DNAJC15: variants seen among roughly 807,000 people sequenced by gnomAD.
DNAJC15 encodes the protein dnaJ homolog subfamily C member 15.
Under a neutral mutation model 22.4 loss-of-function variants are expected in DNAJC15, and 27 were observed. The ratio of observed to expected loss-of-function variants is 1.20; its 90% CI spans 0.89 to 1.66. The LOEUF (loss-of-function observed/expected upper bound fraction) is 1.66. DNAJC15 is among the 40% of genes most tolerant of loss of function. DNAJC15 has a pLI of 0.00. For synonymous variants in DNAJC15, 79 were observed against 63.2 expected, an observed-to-expected ratio of 1.25 and a Z score of -1.19; for missense variants, 208 against 187.1, an observed-to-expected ratio of 1.11 and a Z score of -0.65.
At chr13:43,090,730 TAG>T (rs1317899115) in intron 5 of DNAJC15, among the ~76,000 whole-genome samples, 7 of 148,462 alleles carry the variant, frequency 4.7e-5, no homozygotes, top group African/African-American at 9.9e-5. Flanking sequence ...TTTTTTGAGA[TAG>T]AGTCTTGCTC....
At chr13:43,045,837 A>G (rs2040474830) in intron 1 of DNAJC15, among the ~76,000 whole-genome samples, 2 of 152,118 alleles carry the variant, frequency 1.3e-5, no homozygotes, top group Non-Finnish European at 2.9e-5. Flanking sequence ...ATTTTTTTCC[A>G]TAGCACAAAT....
At chr13:43,105,107 T>C (rs1291598624) in intron 5 of DNAJC15, among the ~76,000 whole-genome samples, 1 of 151,752 alleles carries the variant, frequency 6.6e-6, no homozygotes, top group African/African-American at 2.4e-5. Context: ...GGTTACATAT[T>C]GTTGGAAGAT....
At chr13:43,074,077 A>G (rs1387387930) in intron 3 of DNAJC15, among the ~76,000 whole-genome samples, 1 of 152,112 alleles carries the variant, frequency 6.6e-6, no homozygotes, top group Non-Finnish European at 1.5e-5. Flanking sequence ...GGAAAAATAT[A>G]CTAATTAAAT....
At chr13:43,051,455 C>G (rs747801541) in intron 1 of DNAJC15, among the ~76,000 whole-genome samples, 1 of 152,232 alleles carries the variant, frequency 6.6e-6, no homozygotes, top group East Asian at 1.9e-4. Flanking sequence ...CCCCACAATC[C>G]GTTGTATCAA....
chr13:43,056,218 C>T (rs187264284), intron 1 of DNAJC15, among the ~76,000 whole-genome samples: 3 of 151,050 alleles, frequency 2.0e-5, no homozygotes, highest in African/African-American at 7.3e-5. Context: ...ATAGTGCAAT[C>T]TCAGCTCACT....
At chr13:43,070,739 C>G (rs1046364707) in intron 3 of DNAJC15, among the ~76,000 whole-genome samples, 7 of 152,020 alleles carry the variant, frequency 4.6e-5, no homozygotes, top group Non-Finnish European at 7.4e-5. Flanking sequence ...TAGCTTGGGC[C>G]CAGATCCCTT....
chr13:43,062,022 A>G (rs1566207380), intron 1 of DNAJC15, among the ~76,000 whole-genome samples: 1 of 152,018 alleles, frequency 6.6e-6, no homozygotes, highest in Non-Finnish European at 1.5e-5. Flanking sequence ...TGTAGTGATG[A>G]TTTTATCAGT....
At chr13:43,066,888 G>A (rs957452989) in intron 2 of DNAJC15, among the ~76,000 whole-genome samples, 1 of 152,106 alleles carries the variant, frequency 6.6e-6, no homozygotes, top group Non-Finnish European at 1.5e-5. Flanking sequence ...TAAAGGGCTG[G>A]GATTACAGGC....
At chr13:43,075,441 T>G (rs1456028201) in intron 3 of DNAJC15, among the ~76,000 whole-genome samples, 1 of 152,200 alleles carries the variant, frequency 6.6e-6, no homozygotes, top group East Asian at 1.9e-4. Context: ...TAGAGCTCCC[T>G]AAGGTAAATA....
chr13:43,098,746 AGTCT>A (rs1369608236), intron 5 of DNAJC15, among the ~76,000 whole-genome samples: 1 of 152,190 alleles, frequency 6.6e-6, no homozygotes, highest in African/African-American at 2.4e-5. Flanking sequence ...TTCATTGATC[AGTCT>A]GTCTGTCCTT....
At chr13:43,069,123 CTA>C (rs935511679) in intron 3 of DNAJC15, 120 bp downstream of exon 3, 29 of 927,680 alleles carry the variant, frequency 3.1e-5, no homozygotes, top group African/African-American at 2.2e-4. Flanking sequence ...GTTTCCTTCA[CTA>C]TATCATTGGT....
chr13:43,024,092 C>T (rs1287643584), intron 1 of DNAJC15, among the ~76,000 whole-genome samples: 2 of 152,148 alleles, frequency 1.3e-5, no homozygotes, highest in Non-Finnish European at 2.9e-5. Context: ...AGGGACGCTT[C>T]TTGGAGAAAG....
At chr13:43,034,427 C>T (rs748190056) in intron 1 of DNAJC15, among the ~76,000 whole-genome samples, 11 of 150,366 alleles carry the variant, frequency 7.3e-5, no homozygotes, top group East Asian at 1.9e-4. Context: ...GCCATTCTCC[C>T]GCCTCAGCCT....
At chr13:43,041,149 A>G (rs996289300) in intron 1 of DNAJC15, among the ~76,000 whole-genome samples, 14 of 152,188 alleles carry the variant, frequency 9.2e-5, no homozygotes, top group African/African-American at 2.9e-4. Flanking sequence ...ATTTCAGACT[A>G]TCACATGGGG....
intron 4 of DNAJC15, among the ~76,000 whole-genome samples, chr13:43,084,556 A>C (rs1240921989): frequency 6.6e-6 from 1 of 152,246 alleles, no homozygotes; most frequent in African/African-American, 2.4e-5. Context: ...TACAATAATT[A>C]CACTGTGCTT....
chr13:43,032,877 A>G (rs1388766059), intron 1 of DNAJC15, among the ~76,000 whole-genome samples: 1 of 152,108 alleles, frequency 6.6e-6, no homozygotes, highest in African/African-American at 2.4e-5. Context: ...AAGAGGTTTA[A>G]TTGGCTCACG....
chr13:43,092,374 G>T (rs915362937), intron 5 of DNAJC15, among the ~76,000 whole-genome samples: 56 of 151,674 alleles, frequency 3.7e-4, no homozygotes, highest in Non-Finnish European at 3.4e-4. Flanking sequence ...TCTCTTGTTG[G>T]TTTGTCTCTT....
intron 3 of DNAJC15, among the ~76,000 whole-genome samples, chr13:43,069,963 A>C (rs1169336150): frequency 6.6e-6 from 1 of 152,204 alleles, no homozygotes; most frequent in African/African-American, 2.4e-5. Flanking sequence ...CATTTTTTCC[A>C]AATTTATAAT....
intron 1 of DNAJC15, among the ~76,000 whole-genome samples, chr13:43,040,994 C>G (rs2040451174): frequency 6.6e-6 from 1 of 152,204 alleles, no homozygotes; most frequent in Admixed American, 6.5e-5. Flanking sequence ...TTCCATTGCC[C>G]AGAGATGGGC....
Sources: gnomAD v4.1 joint callset for allele counts (sites outside exome capture counted in the v4.1 genomes callset) on GRCh38, gnomAD v4.1.1 for gene constraint, MANE v1.5 for transcripts, NCBI Gene and HGNC (gene_info 2026-07-23, HGNC 2026-07-21) for gene names.